The following MAMSTR variants were observed in gnomAD, a reference collection of about 807,000 sequenced individuals.
The protein encoded by MAMSTR is MEF2 activating motif and SAP domain containing transcriptional regulator.
A neutral mutation model predicts 42.7 loss-of-function variants in MAMSTR; 41 were observed. The ratio of observed to expected loss-of-function variants is 0.96; its 90% CI spans 0.75 to 1.25. MAMSTR has a LOEUF of 1.25. Among genes scored for constraint, MAMSTR ranks in the 50% most tolerant of loss-of-function variants. MAMSTR has a pLI of 0.00. For missense variants in MAMSTR, 567 were observed against 557.6 expected, an observed-to-expected ratio of 1.02 and a Z score of -0.17; for synonymous variants, 265 against 244.1, an observed-to-expected ratio of 1.09 and a Z score of -0.80.
In MAMSTR at chr19:48,715,675, C is replaced by A; in HGVS notation, c.190G>T (p.Val64Phe). 1 of 1,542,710 alleles carries A rather than the reference C, an allele frequency of 6.5e-7. No individual in the cohort carries two copies. The change falls in exon 4 of 10, where the codon GTC becomes TTC. Residue 64 changes from valine (V) to phenylalanine (F), a missense_variant. Transcript: ENST00000318083. The stretch of plus-strand genomic sequence containing the variant: ...CAATATTCTGGCTCGGGGAGCAGGA[C>A]CCCAGGGCTGAAGAGGAAAGGGGCC... ...GTAPFLFSPG[V>F]LLPEPEYCPP...
At chr19:48,715,594 A>G in intron 4 of MAMSTR, 31 bp downstream of exon 4, 2 of 1,515,946 alleles carry the variant, frequency 1.3e-6, no homozygotes, top group Non-Finnish European at 1.8e-6. Context: ...CTAGGCTCTC[A>G]GAGGGACCTC....
chr19:48,718,795 C>T (rs754440528), intron 2 of MAMSTR, among the ~76,000 whole-genome samples, 179 bp downstream of exon 2: 3 of 152,104 alleles, frequency 2.0e-5, no homozygotes, highest in Non-Finnish European at 2.9e-5. Context: ...TGCTACTAGC[C>T]ATTTGCACAC....
At chr19:48,714,077 G>A in intron 7 of MAMSTR, 32 bp from the exon 8 acceptor site, 1 of 1,533,490 alleles carries the variant, frequency 6.5e-7, no homozygotes, top group Non-Finnish European at 8.8e-7. Flanking sequence ...GCGCCCATAA[G>A]CCATGCCCAC....
chr19:48,705,905 T>TATAA, the MAMSTR span: 1 of 166,348 alleles, frequency 6.0e-6, no homozygotes, highest in African/African-American at 2.4e-5. Context: ...CCCTGACTCT[T>TATAA]ATAAATAAAT....
the MAMSTR span, among the ~76,000 whole-genome samples, chr19:48,706,928 C>A: frequency 5.9e-5 from 9 of 151,714 alleles, no homozygotes; most frequent in African/African-American, 2.2e-4. Context: ...GAGATCCTGT[C>A]TCTACAAAAA....
chr19:48,715,399 C>T lies in MAMSTR; in HGVS notation c.288G>A (p.Gly96=), dbSNP rs750520557. The part of the protein sequence containing the change: ...SQRWRESKPR[G]NLTYHQYMPP... ...GCATGTACTGGTGGTATGTCAAGTT[C>T]CCCCTGGGCTTGGACTCCCTCCAAC... Residue 96 remains glycine, a synonymous_variant, in exon 5 of 10, where the codon GGG becomes GGA. Coordinates refer to ENST00000318083, the MANE Select transcript of MAMSTR (RefSeq NM_001130915.2). 32 of 1,518,408 alleles carry T rather than the reference C, an allele frequency of 2.1e-5. No individual in the cohort carries two copies. The highest frequency in any genetic ancestry group is 8.5e-5 in the African/African-American group (6 of 70,822). The allele number at this position is 1,518,408 out of a possible 1,614,324, so 94.1% of individuals were successfully genotyped here.
intron 3 of MAMSTR, 132 bp from the exon 4 acceptor site, chr19:48,715,899 A>ATGGGCGCCTGAAC: frequency 6.9e-7 from 1 of 1,447,772 alleles, no homozygotes; most frequent in Non-Finnish European, 9.0e-7. Context: ...TTGCTGGGAG[A>ATGGGCGCCTGAAC]TGGGCGCCTG....
downstream of MAMSTR, among the ~76,000 whole-genome samples, chr19:48,707,855 G>GAAAGAAAGAA (rs1568463991): frequency 1.0e-5 from 1 of 99,540 alleles, no homozygotes; most frequent in African/African-American, 3.9e-5. Flanking sequence ...AAGAAAGAAA[G>GAAAGAAAGAA]AAAGAAAGAA....
chr19:48,716,846 G>T, intron 2 of MAMSTR, 103 bp from the exon 3 acceptor site: 1 of 1,251,724 alleles, frequency 8.0e-7, no homozygotes, highest in Non-Finnish European at 1.0e-6. Flanking sequence ...CGGGATATGC[G>T]TGCCCAGCCC....
At position 48,715,430 on chromosome 19, in the gene MAMSTR, G is replaced by A. The variant is rs906215644; in HGVS notation, c.257C>T (p.Ser86Phe). The change falls in exon 5 of 10, where the codon TCC becomes TTC. Residue 86 changes from serine to phenylalanine, a missense_variant. Coordinates refer to ENST00000318083, the MANE Select transcript of MAMSTR (RefSeq NM_001130915.2). Reference sequence around the variant, plus strand: ...GGGCTTGGACTCCCTCCAACGTTGGGAGATCTTGGGAGACTCCTGAAAGAG... The same window carrying A: ...GGGCTTGGACTCCCTCCAACGTTGGAAGATCTTGGGAGACTCCTGAAAGAG... ...RSPKKESPKI[S>F]QRWRESKPRG... The A allele has an allele frequency of 1.6e-5, 24 of 1,495,698 alleles. No homozygotes were observed. In the Admixed American group the frequency reaches 4.2e-4, roughly 26 times the overall value. 92.7% of individuals were successfully genotyped at this position (1,495,698 alleles called of 1,614,324 possible). A position where few individuals can be genotyped will look rare whatever the true frequency, so the allele number is the denominator to read the frequency against.
intron 5 of MAMSTR, 123 bp downstream of exon 5, chr19:48,715,137 CTT>C (rs2032944573): frequency 2.3e-6 from 2 of 851,984 alleles, no homozygotes; most frequent in East Asian, 2.6e-5. Context: ...ATCCTGGACT[CTT>C]AAACCCTGGG....
intron 4 of MAMSTR, 89 bp from the exon 5 acceptor site, chr19:48,715,535 T>TGCCACC: frequency 6.8e-7 from 1 of 1,474,864 alleles, no homozygotes; most frequent in Non-Finnish European, 9.0e-7. Context: ...GTCAGCTCGG[T>TGCCACC]GCCACCGAAG....
intron 3 of MAMSTR, among the ~76,000 whole-genome samples, chr19:48,716,290 C>T (rs1338491888): frequency 3.6e-5 from 5 of 140,498 alleles, no homozygotes; most frequent in Non-Finnish European, 6.1e-5. Context: ...GCAGGAGAAT[C>T]GCTTGAACCT....
In MAMSTR at chr19:48,713,525, G is replaced by C. The variant is rs376153549; in HGVS notation, c.990C>G (p.Asp330Glu). 2.5e-5 allele frequency: 40 copies of C among 1,612,432 alleles called. No individual in the cohort carries two copies. The African/African-American group carries it at 4.9e-4, about 20-fold the overall frequency. ...PDDPLPPIPL[D>E]FPGSFDVLSP... ...ACAGCACGTCGAAGGAGCCAGGGAA[G>C]TCCAGGGGAATAGGGGGCAGGGGGT... Residue 330 changes from aspartate (D) to glutamate (E), a missense_variant, in exon 10 of 10, where the codon GAC becomes GAG. Physicochemically the swap from Asp to Glu is conservative, Grantham distance 45 (BLOSUM62 2). Transcript: ENST00000318083.
At chr19:48,715,855 G>T (rs1601253306) in intron 3 of MAMSTR, 88 bp from the exon 4 acceptor site, 1 of 1,484,164 alleles carries the variant, frequency 6.7e-7, no homozygotes, top group Non-Finnish European at 8.9e-7. Flanking sequence ...GGGGCTCCAG[G>T]GTGCCGGAGG....
At chr19:48,706,450 C>T in the MAMSTR span, among the ~76,000 whole-genome samples, 1 of 151,672 alleles carries the variant, frequency 6.6e-6, no homozygotes, top group Non-Finnish European at 1.5e-5. Context: ...CCAGCCTGGC[C>T]AACATAGTGA....
At chr19:48,710,455 T>G (rs1460144675), downstream of MAMSTR, among the ~76,000 whole-genome samples, 3 of 145,702 alleles carry the variant, frequency 2.1e-5, no homozygotes, top group Non-Finnish European at 4.5e-5. Context: ...AGGATCTTGA[T>G]CTGTTGCCCA....
At chr19:48,716,036 G>T in intron 3 of MAMSTR, 3 of 1,081,514 alleles carry the variant, frequency 2.8e-6, no homozygotes, top group Non-Finnish European at 3.6e-6. Context: ...TGCTAGGACA[G>T]GGGTGGGGCC....
downstream of MAMSTR, among the ~76,000 whole-genome samples, chr19:48,712,441 G>A (rs1215400905): frequency 3.4e-5 from 5 of 145,120 alleles, no homozygotes; most frequent in Non-Finnish European, 7.5e-5. Flanking sequence ...TTTTTTTTAA[G>A]ATGGAGTTTA....
Sources: allele counts gnomAD v4.1 joint callset (sites outside exome capture counted in the v4.1 genomes callset), GRCh38; gene constraint gnomAD v4.1.1; transcripts MANE v1.5; gene names NCBI Gene and HGNC (gene_info 2026-07-23, HGNC 2026-07-21).